Variants in PARD3B observed in about 807,000 individuals in gnomAD.
The protein encoded by PARD3B is par-3 family cell polarity regulator beta, also known as partitioning defective 3 homolog B.
A neutral mutation model predicts 130.2 loss-of-function variants in PARD3B; 103 were observed. The observed-to-expected ratio is 0.79, with a 90% CI of 0.67 to 0.93. The LOEUF is 0.93. Ranked by LOEUF, PARD3B falls within the 40% of genes least tolerant of loss-of-function variation. PARD3B has a pLI of 0.00. For synonymous variants in PARD3B, 583 were observed against 553.2 expected (o/e 1.05, Z -0.76); for missense variants, 1,609 against 1,499.2 (o/e 1.07, Z -1.21).
chr2:205,040,939 G>A (rs1052838822), intron 3 of PARD3B, among the ~76,000 whole-genome samples: 1 of 151,978 alleles, frequency 6.6e-6, no homozygotes, highest in Non-Finnish European at 1.5e-5. Context: ...ACATAAACAG[G>A]TTATCGTGTT....
intron 15 of PARD3B, among the ~76,000 whole-genome samples, chr2:205,194,955 T>TTA (rs2036594867): frequency 7.2e-6 from 1 of 139,554 alleles, no homozygotes; most frequent in Non-Finnish European, 1.6e-5. Flanking sequence ...GGCTAATTTT[T>TTA]TTTTTTTTTT....
At chr2:205,242,289 G>C (rs2039385634) in intron 15 of PARD3B, among the ~76,000 whole-genome samples, 2 of 152,070 alleles carry the variant, frequency 1.3e-5, no homozygotes, top group Admixed American at 1.3e-4. Flanking sequence ...TTAAAATAAT[G>C]ATAAGTATAA....
chr2:204,627,985 GTTTT>G (rs3051373), intron 1 of PARD3B, among the ~76,000 whole-genome samples: 2 of 143,374 alleles, frequency 1.4e-5, no homozygotes, highest in Non-Finnish European at 1.5e-5. Context: ...GTTTTTTTGC[GTTTT>G]TTTTTTTTTT....
At chr2:204,601,672 G>T (rs1452304875) in intron 1 of PARD3B, among the ~76,000 whole-genome samples, 2 of 151,880 alleles carry the variant, frequency 1.3e-5, no homozygotes, top group Non-Finnish European at 2.9e-5. Context: ...CTGAATTTAG[G>T]CGTAGGAAAC....
At chr2:204,976,507 T>C (rs1369835651) in intron 3 of PARD3B, among the ~76,000 whole-genome samples, 1 of 152,116 alleles carries the variant, frequency 6.6e-6, no homozygotes, top group Non-Finnish European at 1.5e-5. Flanking sequence ...TAATAGGTGG[T>C]ATATAAATCT....
At chr2:205,465,090 G>A (rs2048576795) in intron 20 of PARD3B, among the ~76,000 whole-genome samples, 1 of 152,182 alleles carries the variant, frequency 6.6e-6, no homozygotes, top group Non-Finnish European at 1.5e-5. Flanking sequence ...TGTTTTAGAT[G>A]TTGTTTTATT....
rs1415386732 is a variant in PARD3B, at chr2:205,421,326, A to G, written c.2742-19044A>G. 6.6e-6 allele frequency among the ~76,000 whole-genome samples: 1 copy of G among 152,144 alleles called. No homozygotes were observed. The highest frequency in any genetic ancestry group is 2.4e-5 in the African/African-American group (1 of 41,436). On this transcript the variant is annotated intron_variant, in intron 19 of 22. Coordinates refer to ENST00000406610, the MANE Select transcript of PARD3B (RefSeq NM_001302769.2). The surrounding 1 kb of genome is among the most constrained non-coding windows in gnomAD (Gnocchi z 5.1). ...GACCAGTTTGTGTGGTGCTGTGCCTACACAATGCAGGCACATTGCAATGTC... is the reference window on the plus strand; with the variant it reads ...GACCAGTTTGTGTGGTGCTGTGCCTGCACAATGCAGGCACATTGCAATGTC...
At chr2:204,921,347 G>A (rs969267931) in intron 2 of PARD3B, among the ~76,000 whole-genome samples, 1 of 152,158 alleles carries the variant, frequency 6.6e-6, no homozygotes, top group African/African-American at 2.4e-5. Flanking sequence ...ACAATCTAGA[G>A]AAATCTGTTA....
intron 19 of PARD3B, among the ~76,000 whole-genome samples, chr2:205,404,711 C>T (rs1049081930): frequency 5.3e-5 from 8 of 152,188 alleles, no homozygotes; most frequent in Admixed American, 1.3e-4. Context: ...CAAGGTCTCG[C>T]GCTACGTTGT....
At chr2:205,580,182 C>A (rs571998707) in intron 22 of PARD3B, among the ~76,000 whole-genome samples, 6 of 152,170 alleles carry the variant, frequency 3.9e-5, no homozygotes, top group Non-Finnish European at 8.8e-5. Context: ...ATACTTAAGA[C>A]TCTTTAATAA....
chr2:205,237,692 C>A (rs895614714), intron 15 of PARD3B, among the ~76,000 whole-genome samples: 23 of 151,892 alleles, frequency 1.5e-4, no homozygotes, highest in African/African-American at 5.3e-4. Context: ...TTAGAGCCAA[C>A]AAGCCAAAAA....
rs1559344969 is a variant in PARD3B, at chr2:205,001,198, AG to A, written c.394+35877del. 3.3e-5 allele frequency among the ~76,000 whole-genome samples: 5 copies of A among 152,254 alleles called. No homozygotes were observed. The South Asian group carries it at 1.0e-3, about 32-fold the overall frequency. Reference sequence around the variant, plus strand: ...GAGATGGGGTTTCACCATGTTGGCCAGGCTGGTCTCGAACTCCTGACCTCAG... The same window carrying A: ...GAGATGGGGTTTCACCATGTTGGCCAGCTGGTCTCGAACTCCTGACCTCAG... On this transcript the variant is annotated intron_variant, in intron 3 of 22. Coordinates refer to ENST00000406610, the MANE Select transcript of PARD3B (RefSeq NM_001302769.2).
intron 18 of PARD3B, among the ~76,000 whole-genome samples, chr2:205,331,316 A>G (rs993703236): frequency 2.0e-5 from 3 of 150,914 alleles, no homozygotes; most frequent in South Asian, 4.2e-4. Flanking sequence ...CACTCCATAG[A>G]TGACAGATCA....
intron 3 of PARD3B, among the ~76,000 whole-genome samples, chr2:204,996,456 G>C (rs1188468785): frequency 6.6e-6 from 1 of 152,144 alleles, no homozygotes; most frequent in Non-Finnish European, 1.5e-5. Flanking sequence ...CTCCAGCTGC[G>C]TGCTGGGAGA....
At chr2:205,317,974 G>T (rs2042616405) in intron 18 of PARD3B, among the ~76,000 whole-genome samples, 1 of 151,998 alleles carries the variant, frequency 6.6e-6, no homozygotes, top group South Asian at 2.1e-4. Context: ...CATCCCACTT[G>T]CCAACAAAAG....
At chr2:205,467,045 T>G (rs934791557) in intron 20 of PARD3B, among the ~76,000 whole-genome samples, 2 of 152,256 alleles carry the variant, frequency 1.3e-5, no homozygotes, top group African/African-American at 4.8e-5. Context: ...AATGCTGCTG[T>G]CTTAATGTCT....
chr2:205,238,791 C>T (rs1362616868), intron 15 of PARD3B, among the ~76,000 whole-genome samples: 1 of 131,208 alleles, frequency 7.6e-6, no homozygotes, highest in Non-Finnish European at 1.5e-5. Context: ...AAGATCGCAC[C>T]ATTGCACTAC....
chr2:205,531,034 A>C (rs753584895), intron 21 of PARD3B, among the ~76,000 whole-genome samples: 11 of 152,198 alleles, frequency 7.2e-5, no homozygotes, highest in Non-Finnish European at 1.5e-4. Context: ...AGCCAACAAG[A>C]GCCTAAACGT....
At chr2:204,589,404 G>A (rs1016331660) in intron 1 of PARD3B, among the ~76,000 whole-genome samples, 1 of 152,190 alleles carries the variant, frequency 6.6e-6, no homozygotes, top group Non-Finnish European at 1.5e-5. Flanking sequence ...AAATGTCACT[G>A]TGCCGATTTT....
Sources: allele counts gnomAD v4.1 joint callset (sites outside exome capture counted in the v4.1 genomes callset), GRCh38; gene constraint gnomAD v4.1.1; non-coding constraint Gnocchi (gnomAD v3.1); transcripts MANE v1.5; gene names NCBI Gene and HGNC (gene_info 2026-07-23, HGNC 2026-07-21).